The following NIM1K variants were observed in gnomAD, a reference collection of about 807,000 sequenced individuals.
The protein encoded by NIM1K is serine/threonine-protein kinase NIM1.
NIM1K carries 35 observed loss-of-function variants against 37.1 expected under a neutral mutation model. That is an observed-to-expected ratio of 0.94 (90% CI 0.72 to 1.25). NIM1K has a LOEUF of 1.25. Ranked by LOEUF, NIM1K falls within the 50% of genes most tolerant of loss-of-function variation. The pLI, the probability that NIM1K is intolerant of heterozygous loss-of-function variation, is 0.00. For missense variants in NIM1K, 564 were observed against 548.0 expected (o/e 1.03, Z -0.29); for synonymous variants, 234 against 206.6 (o/e 1.13, Z -1.14).
chr5:43,247,642 G>C (rs1752803932), intron 2 of NIM1K, among the ~76,000 whole-genome samples: 1 of 152,230 alleles, frequency 6.6e-6, no homozygotes, highest in Admixed American at 6.5e-5. Flanking sequence ...GGCATGGGTA[G>C]TATTTGAAAA....
At chr5:43,201,686 C>A (rs924079448) in intron 1 of NIM1K, among the ~76,000 whole-genome samples, 1 of 151,412 alleles carries the variant, frequency 6.6e-6, no homozygotes, top group African/African-American at 2.4e-5. Flanking sequence ...TCTGACCGGG[C>A]GTGGTGGTTC....
chr5:43,253,558 A>C (rs1258964503), intron 2 of NIM1K, among the ~76,000 whole-genome samples: 4 of 152,144 alleles, frequency 2.6e-5, no homozygotes, highest in Non-Finnish European at 5.9e-5. Flanking sequence ...CATGAGGTGC[A>C]CCCACAGAGT....
chr5:43,268,871 A>C (rs1483406717), intron 2 of NIM1K, among the ~76,000 whole-genome samples: 2 of 152,208 alleles, frequency 1.3e-5, no homozygotes, highest in Non-Finnish European at 2.9e-5. Context: ...GGCAAGAGGG[A>C]GGTTGGCTAG....
At chr5:43,273,235 A>C (rs1579613902) in intron 2 of NIM1K, among the ~76,000 whole-genome samples, 1 of 144,216 alleles carries the variant, frequency 6.9e-6, no homozygotes, top group Admixed American at 6.9e-5. Flanking sequence ...GTGGAGTCTC[A>C]CTCTGTCACC....
chr5:43,247,862 G>C (rs1752807313), intron 2 of NIM1K, among the ~76,000 whole-genome samples: 1 of 152,178 alleles, frequency 6.6e-6, no homozygotes. Flanking sequence ...CATTTCACTT[G>C]AGAGAATATT....
In NIM1K at chr5:43,280,272, AG is replaced by A; in HGVS notation, c.857del (p.Gly286AlafsTer35). ...GCCAAACTAAAAAAGAGCATCCTCGAGGGCACATACAGTGTACCGCCGCACG... is the reference window on the plus strand; with the variant it reads ...GCCAAACTAAAAAAGAGCATCCTCGAGGCACATACAGTGTACCGCCGCACG... The part of the protein sequence containing the change: ...TVAKLKKSIL[E>X]GTYSVPPHVS... On this transcript the variant is annotated frameshift_variant, in exon 4 of 4. Transcript: ENST00000326035. LOFTEE classifies it high-confidence loss of function. 1 of 1,614,188 alleles carries A rather than the reference AG, an allele frequency of 6.2e-7. No individual in the cohort carries two copies. Among genetic ancestry groups the A allele is most frequent in the Admixed American group, 1.7e-5 (1 of 60,020 alleles).
At chr5:43,216,396 T>C (rs1752300063) in intron 1 of NIM1K, among the ~76,000 whole-genome samples, 1 of 152,210 alleles carries the variant, frequency 6.6e-6, no homozygotes, top group South Asian at 2.1e-4. Context: ...AGCTGCCTTT[T>C]TTCTCTGAGA....
At chr5:43,236,340 T>C (rs1290355587) in intron 1 of NIM1K, among the ~76,000 whole-genome samples, 1 of 151,552 alleles carries the variant, frequency 6.6e-6, no homozygotes, top group African/African-American at 2.4e-5. Flanking sequence ...TCGCCAGACT[T>C]GGTGGGTGGA....
chr5:43,229,075 G>C (rs1396259207), intron 1 of NIM1K, among the ~76,000 whole-genome samples: 2 of 152,104 alleles, frequency 1.3e-5, no homozygotes, highest in Non-Finnish European at 2.9e-5. Context: ...TCTTTAACAT[G>C]ACCAGTCCTC....
chr5:43,200,361 C>T (rs10041458), intron 1 of NIM1K, among the ~76,000 whole-genome samples: 59,679 of 151,570 alleles, frequency 0.39, 12,116 homozygotes, highest in African/African-American at 0.45. Flanking sequence ...AGTGCAGTGA[C>T]GCGATCTCGG....
intron 1 of NIM1K, among the ~76,000 whole-genome samples, chr5:43,216,494 G>C (rs141455598): frequency 3.3e-4 from 51 of 152,342 alleles, no homozygotes; most frequent in Middle Eastern, 6.8e-3. Context: ...ATCAGAGCTT[G>C]AGTAAAAAGA....
intron 2 of NIM1K, among the ~76,000 whole-genome samples, chr5:43,257,133 G>A (rs1349140739): frequency 6.6e-6 from 1 of 151,412 alleles, no homozygotes; most frequent in African/African-American, 2.4e-5. Flanking sequence ...ACACAGCTAA[G>A]GAGTCTTAAA....
chr5:43,267,169 C>T (rs949618081), intron 2 of NIM1K, among the ~76,000 whole-genome samples: 1 of 152,134 alleles, frequency 6.6e-6, no homozygotes, highest in African/African-American at 2.4e-5. Flanking sequence ...ATTTCTATTT[C>T]TTCCTGATTT....
chr5:43,234,746 T>C (rs1248424020), intron 1 of NIM1K, among the ~76,000 whole-genome samples: 1 of 152,218 alleles, frequency 6.6e-6, no homozygotes, highest in African/African-American at 2.4e-5. Flanking sequence ...ACGATTCTCC[T>C]GCCTCAGCCT....
chr5:43,234,636 AT>A (rs1752591242), intron 1 of NIM1K, among the ~76,000 whole-genome samples: 1 of 151,832 alleles, frequency 6.6e-6, no homozygotes, highest in African/African-American at 2.4e-5. Context: ...ATAGTATTTT[AT>A]TTATTTTGTA....
At chr5:43,230,696 T>G (rs369921259) in intron 1 of NIM1K, among the ~76,000 whole-genome samples, 74 of 152,232 alleles carry the variant, frequency 4.9e-4, no homozygotes, top group African/African-American at 1.7e-3. Context: ...CTGGTGATTT[T>G]CATGCAGGTT....
intron 1 of NIM1K, among the ~76,000 whole-genome samples, chr5:43,238,790 T>A (rs1196206972): frequency 1.3e-5 from 2 of 151,232 alleles, no homozygotes; most frequent in Non-Finnish European, 2.9e-5. Flanking sequence ...AACCTCGAGG[T>A]TTTTATGTTT....
At chr5:43,209,753 G>A (rs1752177069) in intron 1 of NIM1K, among the ~76,000 whole-genome samples, 2 of 151,970 alleles carry the variant, frequency 1.3e-5, no homozygotes, top group Non-Finnish European at 1.5e-5. Context: ...AGAGTAGCTG[G>A]GATTATAGGC....
intron 2 of NIM1K, among the ~76,000 whole-genome samples, chr5:43,248,261 G>C (rs922574935): frequency 6.6e-6 from 1 of 152,216 alleles, no homozygotes; most frequent in Non-Finnish European, 1.5e-5. Context: ...AGGGGAAGTA[G>C]GGTAAAGGGT....
Sources: allele counts gnomAD v4.1 joint callset (sites outside exome capture counted in the v4.1 genomes callset), GRCh38; gene constraint gnomAD v4.1.1; transcripts MANE v1.5; gene names NCBI Gene and HGNC (gene_info 2026-07-23, HGNC 2026-07-21).